The following DRC11 variants were observed in gnomAD, a reference collection of about 807,000 sequenced individuals.
The protein encoded by DRC11 is dynein regulatory complex subunit 11.
the DRC11 span, among the ~76,000 whole-genome samples, chr2:236,369,507 G>A: frequency 3.9e-5 from 6 of 152,192 alleles, no homozygotes; most frequent in African/African-American, 1.4e-4. This position sits in a 1 kb window ranked among gnomAD's most constrained non-coding sequence, Gnocchi z 4.5. Flanking sequence ...TGTAACAACC[G>A]TTAAATCCAG....
At chr2:236,311,185 C>T in the DRC11 span, among the ~76,000 whole-genome samples, 1 of 152,214 alleles carries the variant, frequency 6.6e-6, no homozygotes, top group Non-Finnish European at 1.5e-5. This position sits in a 1 kb window ranked among gnomAD's most constrained non-coding sequence, Gnocchi z 6.9. Flanking sequence ...GCCAAGGCCT[C>T]ACTGCCTCTC....
At chr2:236,363,947 C>T in the DRC11 span, 1 of 1,613,998 alleles carries the variant, frequency 6.2e-7, no homozygotes, top group Non-Finnish European at 8.5e-7. The surrounding 1 kb of genome is among the most constrained non-coding windows in gnomAD (Gnocchi z 5.6). Context: ...AGCGATTTCA[C>T]CAAAGGAGCT....
chr2:236,492,770 T>C, the DRC11 span, among the ~76,000 whole-genome samples: 2 of 152,066 alleles, frequency 1.3e-5, no homozygotes, highest in Non-Finnish European at 1.5e-5. Context: ...ACCAGTAGGC[T>C]GCATGGGGGA....
chr2:236,324,404 T>G, the DRC11 span: 2 of 297,926 alleles, frequency 6.7e-6, no homozygotes, highest in Admixed American at 9.2e-5. This position sits in a 1 kb window ranked among gnomAD's most constrained non-coding sequence, Gnocchi z 5.7. Flanking sequence ...AGAGTGAATT[T>G]CAGTTATATA....
the DRC11 span, among the ~76,000 whole-genome samples, chr2:236,410,279 A>G: frequency 6.6e-6 from 1 of 151,762 alleles, no homozygotes; most frequent in Non-Finnish European, 1.5e-5. Context: ...TATTGCCACA[A>G]TTTCAGCTCC....
At chr2:236,491,159 G>GTATATA in the DRC11 span, among the ~76,000 whole-genome samples, 5 of 40,346 alleles carry the variant, frequency 1.2e-4, no homozygotes, top group South Asian at 6.3e-4. Flanking sequence ...TATACACACA[G>GTATATA]TATATATATA....
chr2:236,353,452 CAG>C, the DRC11 span, among the ~76,000 whole-genome samples: 1 of 152,128 alleles, frequency 6.6e-6, no homozygotes, highest in Non-Finnish European at 1.5e-5. The surrounding 1 kb of genome is among the most constrained non-coding windows in gnomAD (Gnocchi z 5.0). Context: ...ATTAGATTCT[CAG>C]GGGATAATGG....
chr2:236,324,805 G>A, the DRC11 span: 5 of 1,565,500 alleles, frequency 3.2e-6, no homozygotes, highest in African/African-American at 2.7e-5. This position sits in a 1 kb window ranked among gnomAD's most constrained non-coding sequence, Gnocchi z 5.7. Context: ...TAGAAGTTTC[G>A]GAAAAGGTCA....
At chr2:236,327,818 G>A in the DRC11 span, among the ~76,000 whole-genome samples, 1 of 152,044 alleles carries the variant, frequency 6.6e-6, no homozygotes, top group African/African-American at 2.4e-5. Context: ...GAGTAGCTGG[G>A]ATTACAGGCA....
chr2:236,428,504 T>C, the DRC11 span, among the ~76,000 whole-genome samples: 2 of 152,210 alleles, frequency 1.3e-5, no homozygotes, highest in Admixed American at 1.3e-4. Context: ...TTTGCCCTTT[T>C]TACAGTTTTT....
At chr2:236,380,443 C>T in the DRC11 span, 6 of 733,278 alleles carry the variant, frequency 8.2e-6, no homozygotes, top group Non-Finnish European at 1.4e-5. This position sits in a 1 kb window ranked among gnomAD's most constrained non-coding sequence, Gnocchi z 4.9. Context: ...AGAGGTGGCT[C>T]CCACCACTCC....
the DRC11 span, among the ~76,000 whole-genome samples, chr2:236,434,270 AG>A: frequency 1.3e-5 from 2 of 152,206 alleles, no homozygotes; most frequent in Non-Finnish European, 2.9e-5. The surrounding 1 kb of genome is among the most constrained non-coding windows in gnomAD (Gnocchi z 5.5). Context: ...TTTCATAAAA[AG>A]TATTTGTATT....
the DRC11 span, among the ~76,000 whole-genome samples, chr2:236,439,547 A>T: frequency 6.6e-6 from 1 of 152,104 alleles, no homozygotes; most frequent in Non-Finnish European, 1.5e-5. Context: ...CATTTTCTTC[A>T]GTGAGATTTT....
the DRC11 span, among the ~76,000 whole-genome samples, chr2:236,405,645 A>C: frequency 4.6e-5 from 7 of 152,150 alleles, no homozygotes; most frequent in Non-Finnish European, 7.3e-5. The surrounding 1 kb of genome is among the most constrained non-coding windows in gnomAD (Gnocchi z 4.6). Flanking sequence ...TGTTAAGTGA[A>C]AATAAACTTA....
At chr2:236,381,446 A>G in the DRC11 span, among the ~76,000 whole-genome samples, 2 of 151,902 alleles carry the variant, frequency 1.3e-5, no homozygotes, top group Admixed American at 1.3e-4. The surrounding 1 kb of genome is among the most constrained non-coding windows in gnomAD (Gnocchi z 5.8). Flanking sequence ...ATAGCAGTCC[A>G]AACAGACTAA....
chr2:236,407,861 T>C, the DRC11 span: 1 of 361,156 alleles, frequency 2.8e-6, no homozygotes, highest in Admixed American at 3.4e-5. Context: ...CTCCGTCTTC[T>C]ACTGCAATTT....
the DRC11 span, among the ~76,000 whole-genome samples, chr2:236,435,346 T>C: frequency 6.6e-6 from 1 of 152,240 alleles, no homozygotes; most frequent in Non-Finnish European, 1.5e-5. Context: ...GGGCCGGCTC[T>C]GGCCGGCCGC....
chr2:236,501,993 T>C, the DRC11 span, among the ~76,000 whole-genome samples: 2 of 152,096 alleles, frequency 1.3e-5, no homozygotes, highest in Non-Finnish European at 2.9e-5. Flanking sequence ...CCCCAGCTTG[T>C]TTCATAGATG....
chr2:236,467,428 A>G, the DRC11 span, among the ~76,000 whole-genome samples: 4 of 152,256 alleles, frequency 2.6e-5, no homozygotes, highest in Admixed American at 6.5e-5. Flanking sequence ...TTTATCTTCC[A>G]GAAACAATTT....
Sources: allele counts gnomAD v4.1 joint callset (sites outside exome capture counted in the v4.1 genomes callset), GRCh38; gene constraint gnomAD v4.1.1; non-coding constraint Gnocchi (gnomAD v3.1); transcripts MANE v1.5; gene names NCBI Gene and HGNC (gene_info 2026-07-23, HGNC 2026-07-21).